SNX7: variants seen among roughly 807,000 people sequenced by gnomAD.
The protein encoded by SNX7 is sorting nexin 7, also known as sorting nexin-7.
In SNX7, 35 loss-of-function variants were observed where a neutral mutation model predicts 48.4. That is an observed-to-expected ratio of 0.72 (90% CI 0.55 to 0.96). SNX7 has a LOEUF of 0.96. Among genes scored for constraint, SNX7 ranks in the 40% least tolerant of loss-of-function variants. The probability of loss-of-function intolerance (pLI) is 0.00; values close to 1 mark genes in which losing one functional copy is unlikely to be tolerated. For missense variants in SNX7, 553 were observed against 548.9 expected (o/e 1.01, Z -0.07); for synonymous variants, 190 against 190.2 (o/e 1.00, Z 0.01).
At chr1:98,716,042 T>G (rs1241756399) in intron 7 of SNX7, among the ~76,000 whole-genome samples, 1 of 152,162 alleles carries the variant, frequency 6.6e-6, no homozygotes, top group Non-Finnish European at 1.5e-5. Flanking sequence ...TTGATATCTT[T>G]TATTTTCCGT....
intron 5 of SNX7, among the ~76,000 whole-genome samples, chr1:98,696,742 A>C (rs1651478962): frequency 6.6e-6 from 1 of 151,590 alleles, no homozygotes; most frequent in Non-Finnish European, 1.5e-5. Flanking sequence ...TTTTTTTTTA[A>C]CCTGAATAAG....
intron 8 of SNX7, among the ~76,000 whole-genome samples, chr1:98,745,850 CT>C (rs1217751224): frequency 2.0e-5 from 3 of 152,026 alleles, no homozygotes; most frequent in African/African-American, 7.2e-5. Context: ...AAAACAACAA[CT>C]TTTCATCTTT....
In SNX7 at chr1:98,760,093, A is replaced by G; in HGVS notation, c.1318A>G (p.Asn440Asp). 5 of 1,610,402 alleles carry G rather than the reference A, an allele frequency of 3.1e-6. No homozygotes were observed. In the South Asian group the frequency reaches 4.4e-5, roughly 14 times the overall value. Residue 440 changes from asparagine to aspartate, a missense_variant, in exon 9 of 9, where the codon AAC (asparagine) becomes GAC (aspartate). Transcript: ENST00000306121. ...GGAGTCATTCCTTACATCACAGACCAACCTTCACTTGGAAGAAGCCTCTGA... is the reference window on the plus strand; with the variant it reads ...GGAGTCATTCCTTACATCACAGACCGACCTTCACTTGGAAGAAGCCTCTGA... ...TWESFLTSQTNLHLEEASEDK... is the reference protein window; with the variant it reads ...TWESFLTSQTDLHLEEASEDK...
At chr1:98,719,230 G>A (rs1652740376) in intron 7 of SNX7, among the ~76,000 whole-genome samples, 1 of 152,050 alleles carries the variant, frequency 6.6e-6, no homozygotes, top group Non-Finnish European at 1.5e-5. Flanking sequence ...AATATTGCCT[G>A]GCCCATAGGA....
chr1:98,747,567 A>C (rs957340056), intron 8 of SNX7, among the ~76,000 whole-genome samples: 1 of 152,116 alleles, frequency 6.6e-6, no homozygotes, highest in African/African-American at 2.4e-5. Flanking sequence ...AAACAAAACA[A>C]TTGTTCTTCA....
chr1:98,675,462 C>T (rs957651909), intron 1 of SNX7, among the ~76,000 whole-genome samples: 3 of 152,090 alleles, frequency 2.0e-5, no homozygotes, highest in Non-Finnish European at 4.4e-5. Flanking sequence ...ATTTTTATGA[C>T]ACCACACTGT....
chr1:98,705,496 A>T (rs765761099), intron 7 of SNX7, among the ~76,000 whole-genome samples: 23 of 152,302 alleles, frequency 1.5e-4, no homozygotes, highest in Admixed American at 7.8e-4. Context: ...AATTGCTTGG[A>T]TCATAGTAAG....
intron 6 of SNX7, among the ~76,000 whole-genome samples, chr1:98,699,963 G>A (rs1651666979): frequency 6.6e-6 from 1 of 152,042 alleles, no homozygotes; most frequent in Admixed American, 6.5e-5. Flanking sequence ...ACATCCTTTG[G>A]TTTCACTTCA....
intron 7 of SNX7, among the ~76,000 whole-genome samples, chr1:98,718,650 G>A (rs541603363): frequency 1.3e-5 from 2 of 152,192 alleles, no homozygotes; most frequent in East Asian, 1.9e-4. Flanking sequence ...CCAGTGAAAA[G>A]TGTGCCCATC....
chr1:98,664,741 C>G (rs1649447103), intron 1 of SNX7, among the ~76,000 whole-genome samples: 1 of 152,098 alleles, frequency 6.6e-6, no homozygotes, highest in Non-Finnish European at 1.5e-5. Flanking sequence ...CAAAGTTGTT[C>G]TGAATTTTCT....
rs1651417487 is a variant in SNX7 at position 98,695,673 on chromosome 1, T to C, written c.795T>C (p.Asn265=). 2 of 1,597,872 alleles carry C rather than the reference T, an allele frequency of 1.3e-6. No homozygotes were observed. Among genetic ancestry groups the C allele is most frequent in the Admixed American group, 3.3e-5 (2 of 59,972 alleles). The change falls in exon 5 of 9, where the codon AAT becomes AAC. Residue 265 remains asparagine (N), a synonymous_variant. Coordinates refer to ENST00000306121, the MANE Select transcript of SNX7 (RefSeq NM_015976.5). ...TTGAACTATTTAGCCAGAAAATAAATTTGATAGATAAAATATCTCAGAGAA... is the reference window on the plus strand; with the variant it reads ...TTGAACTATTTAGCCAGAAAATAAACTTGATAGATAAAATATCTCAGAGAA... ...NFIELFSQKI[N]LIDKISQRIY...
intron 4 of SNX7, among the ~76,000 whole-genome samples, chr1:98,691,912 T>C (rs1651150582): frequency 1.1e-4 from 2 of 18,020 alleles, no homozygotes; most frequent in African/African-American, 2.1e-4. Context: ...TCTCCATATA[T>C]ATACACACAC....
chr1:98,672,985 G>A (rs1212750317), intron 1 of SNX7, among the ~76,000 whole-genome samples: 1 of 149,490 alleles, frequency 6.7e-6, no homozygotes, highest in African/African-American at 2.5e-5. Context: ...GATAAATGGA[G>A]CTGCATTTGA....
At chr1:98,709,799 C>CT (rs1248094614) in intron 7 of SNX7, among the ~76,000 whole-genome samples, 11 of 152,074 alleles carry the variant, frequency 7.2e-5, no homozygotes, top group African/African-American at 2.7e-4. Flanking sequence ...GAAAGTGTGT[C>CT]TTTTTTGTGT....
intron 8 of SNX7, among the ~76,000 whole-genome samples, chr1:98,756,422 G>GTTTTTGTTTT (rs1654852699): frequency 1.8e-5 from 1 of 54,684 alleles, no homozygotes; most frequent in Non-Finnish European, 3.2e-5. Flanking sequence ...TGCCAGATGA[G>GTTTTTGTTTT]TTTTTTTTTT....
intron 2 of SNX7, among the ~76,000 whole-genome samples, chr1:98,689,389 C>T (rs919613918): frequency 1.3e-5 from 2 of 152,136 alleles, no homozygotes; most frequent in Admixed American, 6.5e-5. Flanking sequence ...ATATTCTTCT[C>T]GTTGCTTGCA....
rs376006567 is a variant in SNX7, at chr1:98,691,937, A to ACACACACACTCT, written c.639+239_639+240insACACACACTCTC. Among the ~76,000 whole-genome samples, 7 of 131,168 alleles carry ACACACACACTCT rather than the reference A, an allele frequency of 5.3e-5. No homozygotes were observed. In the South Asian group the frequency reaches 1.6e-3, roughly 30 times the overall value. 86.1% of individuals were successfully genotyped at this position (131,168 alleles called of 152,430 possible). ...TATACACACACACACACACACACAC[A>ACACACACACTCT]CTCTCTCTCTCTCTCTCTCTCTCTC... On this transcript the variant is annotated intron_variant, in intron 4 of 8. Transcript: ENST00000306121.
At chr1:98,682,133 T>G (rs1328846897) in intron 1 of SNX7, among the ~76,000 whole-genome samples, 1 of 152,050 alleles carries the variant, frequency 6.6e-6, no homozygotes, top group Non-Finnish European at 1.5e-5. Context: ...TTCCTTGTTT[T>G]TCTCTCTCAC....
At chr1:98,707,449 A>G (rs1453315593) in intron 7 of SNX7, among the ~76,000 whole-genome samples, 1 of 152,208 alleles carries the variant, frequency 6.6e-6, no homozygotes, top group Non-Finnish European at 1.5e-5. Context: ...TGAGATTATG[A>G]GGAAACTCAG....
Sources: gnomAD v4.1 joint callset for allele counts (sites outside exome capture counted in the v4.1 genomes callset) on GRCh38, gnomAD v4.1.1 for gene constraint, MANE v1.5 for transcripts, NCBI Gene and HGNC (gene_info 2026-07-23, HGNC 2026-07-21) for gene names.